The following DNAJC18 variants were observed in gnomAD, a reference collection of about 807,000 sequenced individuals.
DNAJC18 encodes the protein DnaJ heat shock protein family (Hsp40) member C18.
In DNAJC18, 40 loss-of-function variants were observed where a neutral mutation model predicts 48.6. That is an observed-to-expected ratio of 0.82 (90% CI 0.64 to 1.07). The LOEUF is 1.07. Among genes scored for constraint, DNAJC18 ranks in the 50% least tolerant of loss-of-function variants. The pLI is 0.00. For synonymous variants in DNAJC18, 135 were observed against 152.2 expected, an observed-to-expected ratio of 0.89 and a Z score of 0.83; for missense variants, 340 against 427.7, an observed-to-expected ratio of 0.79 and a Z score of 1.81.
intron 6 of DNAJC18, 145 bp from the exon 7 acceptor site, chr5:139,420,370 TC>T: frequency 1.3e-6 from 1 of 775,688 alleles, no homozygotes; most frequent in Non-Finnish European, 2.0e-6. Context: ...ACTTCTTATT[TC>T]CCTAGCAAAG....
intron 7 of DNAJC18, among the ~76,000 whole-genome samples, chr5:139,417,187 C>CAAA (rs57657416): frequency 3.6e-5 from 4 of 109,600 alleles, no homozygotes; most frequent in African/African-American, 1.2e-4. Flanking sequence ...GAGACTCTGT[C>CAAA]AAAAAAAAAA....
At chr5:139,434,427 G>T (rs962394572) in intron 2 of DNAJC18, among the ~76,000 whole-genome samples, 1 of 152,036 alleles carries the variant, frequency 6.6e-6, no homozygotes, top group African/African-American at 2.4e-5. Flanking sequence ...GGGCTCAAGG[G>T]ATCCACCTAC....
At chr5:139,432,391 C>A (rs916386114) in intron 2 of DNAJC18, among the ~76,000 whole-genome samples, 1 of 152,142 alleles carries the variant, frequency 6.6e-6, no homozygotes, top group African/African-American at 2.4e-5. Context: ...TCTTGAACTC[C>A]TGACCTTGTG....
rs149143931 is a variant in DNAJC18 at position 139,428,610 on chromosome 5, C to A, written c.301G>T (p.Ala101Ser). 6.2e-7 allele frequency: 1 copy of A among 1,613,854 alleles called. No homozygotes were observed. The change falls in exon 3 of 8, where the codon GCT (alanine) becomes TCT (serine). Residue 101 changes from alanine (A) to serine (S), a missense_variant. By Grantham distance (99) the Ala-to-Ser change is moderately conservative. Coordinates refer to ENST00000302060, the MANE Select transcript of DNAJC18 (RefSeq NM_152686.4). ...RDASDEELKK[A>S]YRKLALKFHP... Reference sequence around the variant, plus strand: ...AATTTCAGGGCGAGTTTTCTGTAAGCTTTCTTAAGCTCTTCGTCACTAGCA... The same window carrying A: ...AATTTCAGGGCGAGTTTTCTGTAAGATTTCTTAAGCTCTTCGTCACTAGCA...
At chr5:139,429,103 G>C (rs1191621282) in intron 2 of DNAJC18, among the ~76,000 whole-genome samples, 2 of 109,492 alleles carry the variant, frequency 1.8e-5, no homozygotes, top group African/African-American at 3.6e-5. Context: ...TTTTTTTTGA[G>C]ACGTAGTCTT....
intron 2 of DNAJC18, among the ~76,000 whole-genome samples, chr5:139,430,346 T>C (rs1759309437): frequency 6.6e-6 from 1 of 152,230 alleles, no homozygotes; most frequent in East Asian, 1.9e-4. Flanking sequence ...TAAAAGGGTC[T>C]TGGGGTTCCC....
rs1225126810 is a variant in DNAJC18 at position 139,411,055 on chromosome 5, T to A, written c.*3093A>T. The A allele has an allele frequency of 6.6e-6, 1 of 152,244 alleles. No homozygotes were observed. The highest frequency in any genetic ancestry group is 1.5e-5 in the Non-Finnish European group (1 of 68,076). The allele number at this position is 152,244 out of a possible 1,614,324, so 9.4% of individuals were successfully genotyped here. Reference sequence around the variant, plus strand: ...AAGTGCTGGGATTACAGGCATGAGCTACTGGGCCTGGCCAGTTCACTGTAT... The same window carrying A: ...AAGTGCTGGGATTACAGGCATGAGCAACTGGGCCTGGCCAGTTCACTGTAT... On this transcript the variant is annotated 3_prime_UTR_variant, in exon 8 of 8. Transcript: ENST00000302060.
At chr5:139,417,485 T>C (rs1384505293) in intron 7 of DNAJC18, among the ~76,000 whole-genome samples, 1 of 151,946 alleles carries the variant, frequency 6.6e-6, no homozygotes, top group East Asian at 1.9e-4. Flanking sequence ...TGTACTTAAA[T>C]GCCAGAAATA....
chr5:139,436,116 GTC>G (rs1211973989), intron 2 of DNAJC18, among the ~76,000 whole-genome samples: 1 of 151,214 alleles, frequency 6.6e-6, no homozygotes, highest in East Asian at 1.9e-4. Flanking sequence ...TGGAAATAAG[GTC>G]TCTGTCACCG....
At chr5:139,418,270 G>A (rs1307435871) in intron 7 of DNAJC18, among the ~76,000 whole-genome samples, 1 of 151,950 alleles carries the variant, frequency 6.6e-6, no homozygotes, top group African/African-American at 2.4e-5. Flanking sequence ...TCCCAGGCTC[G>A]ACCTCCTGAG....
rs772416811 is a variant in DNAJC18, at chr5:139,414,188, TCA to T, written c.1035_1036del (p.Cys345Ter). ...TAGGCCAATGAGTTTGGAAAGTTTC[TCA>T]CAGTTTTCAAGTTTCAGCGACTCTG... On this transcript the variant is annotated stop_gained and frameshift_variant, in exon 8 of 8. Coordinates refer to ENST00000302060, the MANE Select transcript of DNAJC18 (RefSeq NM_152686.4). LOFTEE classifies it high-confidence loss of function. The T allele has an allele frequency of 1.9e-6, 3 of 1,614,202 alleles. No individual in the cohort carries two copies. The highest frequency in any genetic ancestry group is 2.5e-6 in the Non-Finnish European group (3 of 1,180,010).
At chr5:139,428,995 G>C (rs1759288298) in intron 2 of DNAJC18, among the ~76,000 whole-genome samples, 1 of 151,646 alleles carries the variant, frequency 6.6e-6, no homozygotes, top group African/African-American at 2.4e-5. Flanking sequence ...GGACAGCAAA[G>C]CCAGAAGAAA....
At chr5:139,426,127 T>C (rs1436732110) in intron 4 of DNAJC18, 45 bp downstream of exon 4, 2 of 1,580,650 alleles carry the variant, frequency 1.3e-6, no homozygotes, top group African/African-American at 1.4e-5. Context: ...CTGAGAGCCA[T>C]AAATAAAGAA....
At chr5:139,428,490 T>C (rs766193996) in intron 3 of DNAJC18, 48 bp downstream of exon 3, 6 of 1,579,892 alleles carry the variant, frequency 3.8e-6, no homozygotes, top group South Asian at 3.5e-5. Flanking sequence ...CAACTTATTA[T>C]GACCAACCAT....
intron 7 of DNAJC18, among the ~76,000 whole-genome samples, chr5:139,415,690 C>T (rs751709719): frequency 2.6e-5 from 4 of 152,204 alleles, no homozygotes; most frequent in Non-Finnish European, 4.4e-5. Context: ...GCCCAGGGCT[C>T]GGCACTAACT....
intron 2 of DNAJC18, among the ~76,000 whole-genome samples, chr5:139,433,322 T>A (rs1759358370): frequency 6.6e-6 from 1 of 151,854 alleles, no homozygotes; most frequent in Non-Finnish European, 1.5e-5. Flanking sequence ...TGGGCGCCTG[T>A]AATCCCAGCT....
intron 5 of DNAJC18, among the ~76,000 whole-genome samples, chr5:139,423,452 C>A (rs1265903562): frequency 6.7e-6 from 1 of 149,928 alleles, no homozygotes; most frequent in Non-Finnish European, 1.5e-5. Flanking sequence ...TACAGTGACA[C>A]AAACATGGCT....
chr5:139,436,515 CTTTTTTT>C (rs57926576), intron 2 of DNAJC18, among the ~76,000 whole-genome samples: 7 of 67,646 alleles, frequency 1.0e-4, no homozygotes, highest in South Asian at 5.7e-4. Context: ...ATCCCTCTTT[CTTTTTTT>C]TTTTTTTTTT....
At chr5:139,415,311 G>A (rs777089498) in intron 7 of DNAJC18, among the ~76,000 whole-genome samples, 1 of 152,158 alleles carries the variant, frequency 6.6e-6, no homozygotes, top group African/African-American at 2.4e-5. Context: ...GGAACAATGG[G>A]CATTGCTTTC....
Sources: gnomAD v4.1 joint callset for allele counts (sites outside exome capture counted in the v4.1 genomes callset) on GRCh38, gnomAD v4.1.1 for gene constraint, MANE v1.5 for transcripts, NCBI Gene and HGNC (gene_info 2026-07-23, HGNC 2026-07-21) for gene names.